Variants in SIK3 observed in about 807,000 individuals in gnomAD.
SIK3 encodes the protein SIK family kinase 3, also known as serine/threonine-protein kinase SIK3.
In SIK3, 28 loss-of-function variants were observed where a neutral mutation model predicts 144.2. The observed-to-expected ratio is 0.19, with a 90% CI of 0.14 to 0.27. The LOEUF is 0.27. SIK3 is among the 10% of genes least tolerant of loss of function. The pLI is 1.00. For missense variants in SIK3, 1,319 were observed against 1,776.0 expected, an observed-to-expected ratio of 0.74 and a Z score of 4.62; for synonymous variants, 686 against 676.3, an observed-to-expected ratio of 1.01 and a Z score of -0.22.
intron 1 of SIK3, among the ~76,000 whole-genome samples, chr11:117,041,052 A>G (rs1471041228): frequency 6.6e-6 from 1 of 150,658 alleles, no homozygotes; most frequent in East Asian, 2.0e-4. Context: ...TATACATTGG[A>G]TCTCCAGAAT....
chr11:117,077,471 A>G (rs1169201239), intron 1 of SIK3, among the ~76,000 whole-genome samples: 2 of 152,240 alleles, frequency 1.3e-5, no homozygotes, highest in Non-Finnish European at 2.9e-5. Context: ...CCATGAAAGC[A>G]TACAGAAATT....
At chr11:116,963,631 C>A (rs572599098) in intron 1 of SIK3, among the ~76,000 whole-genome samples, 14 of 152,196 alleles carry the variant, frequency 9.2e-5, no homozygotes, top group East Asian at 3.9e-4. Context: ...CTATGACATC[C>A]CTGAATCAAA....
At chr11:117,070,735 T>C (rs1209104721) in intron 1 of SIK3, among the ~76,000 whole-genome samples, 3 of 150,566 alleles carry the variant, frequency 2.0e-5, no homozygotes, top group Non-Finnish European at 2.9e-5. Flanking sequence ...TGTGAGCCAC[T>C]GCGCCCGGCC....
intron 14 of SIK3, 40 bp from the exon 15 acceptor site, chr11:116,868,129 G>C (rs1591419857): frequency 6.5e-7 from 1 of 1,550,010 alleles, no homozygotes; most frequent in South Asian, 1.2e-5. Flanking sequence ...AAAAAAGACA[G>C]ACAGGAATAT....
intron 1 of SIK3, among the ~76,000 whole-genome samples, chr11:116,996,960 C>G (rs1950691417): frequency 6.6e-6 from 1 of 151,340 alleles, no homozygotes; most frequent in African/African-American, 2.4e-5. Context: ...TTAACAGGTT[C>G]ATGTTCTCTG....
intron 1 of SIK3, among the ~76,000 whole-genome samples, chr11:117,090,810 T>C (rs1955210402): frequency 6.6e-6 from 1 of 151,886 alleles, no homozygotes; most frequent in Non-Finnish European, 1.5e-5. Flanking sequence ...GGTGACAGAG[T>C]GGTATAATGC....
intron 1 of SIK3, among the ~76,000 whole-genome samples, chr11:117,075,113 T>C (rs1362134799): frequency 6.6e-6 from 1 of 152,216 alleles, no homozygotes; most frequent in Non-Finnish European, 1.5e-5. Context: ...TATTTACATT[T>C]ACTTCTATAC....
intron 1 of SIK3, among the ~76,000 whole-genome samples, chr11:116,977,631 CAA>C (rs1949995668): frequency 6.6e-6 from 1 of 152,084 alleles, no homozygotes; most frequent in Non-Finnish European, 1.5e-5. Flanking sequence ...GGGCTAGGGG[CAA>C]AAGAGTGCTT....
intron 1 of SIK3, among the ~76,000 whole-genome samples, chr11:116,957,463 C>T (rs1949183532): frequency 1.3e-5 from 2 of 152,096 alleles, no homozygotes; most frequent in South Asian, 4.2e-4. Context: ...AGGCAAGAAG[C>T]TTGTATCATA....
intron 1 of SIK3, among the ~76,000 whole-genome samples, chr11:116,997,614 A>G (rs1414183760): frequency 1.3e-5 from 2 of 152,252 alleles, no homozygotes. Context: ...AGCTTACATA[A>G]GTACAACTGG....
At chr11:117,063,664 C>T (rs150342927) in intron 1 of SIK3, among the ~76,000 whole-genome samples, 3,719 of 150,916 alleles carry the variant, frequency 0.025, 86 homozygotes, top group South Asian at 0.11. Context: ...CGGCTCACTG[C>T]AACCTCTGTC....
intron 1 of SIK3, among the ~76,000 whole-genome samples, chr11:117,019,758 C>T (rs1267481599): frequency 6.6e-6 from 1 of 151,896 alleles, no homozygotes; most frequent in African/African-American, 2.4e-5. Flanking sequence ...GGACTACAGG[C>T]GCGTGCCACC....
At chr11:116,999,679 C>A (rs930702924) in intron 1 of SIK3, among the ~76,000 whole-genome samples, 13 of 152,198 alleles carry the variant, frequency 8.5e-5, no homozygotes, top group Admixed American at 1.3e-4. Flanking sequence ...CCCACCTCAG[C>A]CTTCCAAAGT....
intron 1 of SIK3, among the ~76,000 whole-genome samples, chr11:117,062,101 G>A (rs1490508623): frequency 6.6e-6 from 1 of 151,970 alleles, no homozygotes; most frequent in African/African-American, 2.4e-5. Flanking sequence ...TAGGTAGGCA[G>A]ATCATTTGAG....
At chr11:117,069,928 G>T (rs1443459593) in intron 1 of SIK3, among the ~76,000 whole-genome samples, 1 of 152,158 alleles carries the variant, frequency 6.6e-6, no homozygotes, top group African/African-American at 2.4e-5. Context: ...ATCTTTATGA[G>T]AAATTCGATT....
At chr11:117,055,436 A>G (rs1479784939) in intron 1 of SIK3, among the ~76,000 whole-genome samples, 32 of 152,260 alleles carry the variant, frequency 2.1e-4, no homozygotes, top group Non-Finnish European at 2.9e-5. Flanking sequence ...AAACAGAAAC[A>G]TAGAGACAAA....
At chr11:116,901,460 T>C (rs1945736183) in intron 4 of SIK3, among the ~76,000 whole-genome samples, 1 of 152,128 alleles carries the variant, frequency 6.6e-6, no homozygotes, top group African/African-American at 2.4e-5. Context: ...TCATAAGGGG[T>C]GTGGCAGTCA....
intron 1 of SIK3, among the ~76,000 whole-genome samples, chr11:117,018,377 T>A (rs1486280639): frequency 1.3e-5 from 2 of 152,238 alleles, no homozygotes; most frequent in Non-Finnish European, 2.9e-5. Context: ...AAACCTGTGT[T>A]GTGCAGGGGT....
At chr11:116,960,949 G>A (rs545917456) in intron 1 of SIK3, among the ~76,000 whole-genome samples, 1 of 152,170 alleles carries the variant, frequency 6.6e-6, no homozygotes, top group Non-Finnish European at 1.5e-5. Flanking sequence ...TTATTCAAGG[G>A]ACAAATTGAG....
Sources: gnomAD v4.1 joint callset for allele counts (sites outside exome capture counted in the v4.1 genomes callset) on GRCh38, gnomAD v4.1.1 for gene constraint, MANE v1.5 for transcripts, NCBI Gene and HGNC (gene_info 2026-07-23, HGNC 2026-07-21) for gene names.